The following ZHX3 variants were observed in gnomAD, a reference collection of about 807,000 sequenced individuals.
ZHX3 encodes zinc fingers and homeoboxes 3, also known as zinc fingers and homeoboxes protein 3.
A neutral mutation model predicts 64.5 loss-of-function variants in ZHX3; 20 were observed. The ratio of observed to expected loss-of-function variants is 0.31; its 90% CI spans 0.22 to 0.45. The LOEUF (loss-of-function observed/expected upper bound fraction) is 0.45, where lower values mean the gene tolerates loss of function less well. Among genes scored for constraint, ZHX3 ranks in the 20% least tolerant of loss-of-function variants. The pLI is 1.00. For synonymous variants in ZHX3, 423 were observed against 461.6 expected, an observed-to-expected ratio of 0.92 and a Z score of 1.07; for missense variants, 1,041 against 1,195.8, an observed-to-expected ratio of 0.87 and a Z score of 1.91.
Position 41,202,817 on chromosome 20 carries a change from T to C in ZHX3, c.2100A>G (p.Leu700=). The change falls in exon 3 of 4, where the codon CTA becomes CTG. Residue 700 remains leucine, a synonymous_variant. Transcript: ENST00000683867. The surrounding 1 kb of genome is among the most constrained non-coding windows in gnomAD (Gnocchi z 7.0). ...GAGAGCCATTTTCACCAGAGACCCT[T>C]AGCTCACTGGCCAAATCCTCTTCTC... is the stretch of plus-strand genomic sequence containing the variant. ...EGGEEDLASE[L]RVSGENGSLE... is the part of the protein sequence containing the mutation. 1 of 1,614,162 alleles carries C rather than the reference T, an allele frequency of 6.2e-7. No individual in the cohort carries two copies. The highest frequency in any genetic ancestry group is 8.5e-7 in the Non-Finnish European group (1 of 1,180,032).
chr20:41,253,127 T>C (rs1482860124), intron 2 of ZHX3, among the ~76,000 whole-genome samples: 1 of 152,072 alleles, frequency 6.6e-6, no homozygotes, highest in African/African-American at 2.4e-5. Flanking sequence ...ATGGTCAAAG[T>C]ACCAACAAGA....
chr20:41,231,292 G>A (rs1282718190), intron 2 of ZHX3, among the ~76,000 whole-genome samples: 1 of 152,066 alleles, frequency 6.6e-6, no homozygotes, highest in African/African-American at 2.4e-5. Context: ...TTCTCAGCTT[G>A]GCATGGGCAG....
At position 41,185,515 on chromosome 20, in the gene ZHX3, C is replaced by T. The variant is rs978560940; in HGVS notation, c.2861-314G>A. On this transcript the variant is annotated intron_variant, in intron 3 of 3. Coordinates refer to ENST00000683867, the MANE Select transcript of ZHX3 (RefSeq NM_001384317.1). The surrounding 1 kb of genome is among the most constrained non-coding windows in gnomAD (Gnocchi z 5.0). ...AAATCCCCCTAGCTCCCCAGGCTTC[C>T]GCCACCACCGTCTCTGGAGTCCTGT... 2.4e-5 allele frequency: 12 copies of T among 506,484 alleles called. No homozygotes were observed. Among genetic ancestry groups the T allele is most frequent in the Admixed American group, 1.8e-4 (5 of 27,180 alleles). 31.4% of individuals were successfully genotyped at this position (506,484 alleles called of 1,614,324 possible).
chr20:41,195,467 G>A lies in ZHX3; in HGVS notation c.2860+6590C>T, dbSNP rs2037410405. ...TTTCGCTCTTGTTGCCCAGGCTGGA[G>A]TGCAATGGTGCGGTCTCAGTTCACT... On this transcript the variant is annotated intron_variant, in intron 3 of 3. Transcript: ENST00000683867. The surrounding 1 kb of genome is among the most constrained non-coding windows in gnomAD (Gnocchi z 4.2). 6.6e-6 allele frequency among the ~76,000 whole-genome samples: 1 copy of A among 152,176 alleles called. No individual in the cohort carries two copies. Among genetic ancestry groups the A allele is most frequent in the Non-Finnish European group, 1.5e-5 (1 of 68,036 alleles).
intron 2 of ZHX3, among the ~76,000 whole-genome samples, chr20:41,238,161 G>C (rs138317834): frequency 1.3e-5 from 2 of 152,308 alleles, no homozygotes; most frequent in African/African-American, 4.8e-5. Context: ...GTTGCATGGG[G>C]AATGAACTTC....
chr20:41,216,383 G>A (rs931495205), intron 2 of ZHX3, among the ~76,000 whole-genome samples: 1 of 152,086 alleles, frequency 6.6e-6, no homozygotes, highest in African/African-American at 2.4e-5. Flanking sequence ...ATAAACCATT[G>A]TTAACAGTGC....
rs745690798 is a variant in ZHX3, at chr20:41,211,213, CATT to C, written c.-150-6150_-150-6148del. Reference sequence around the variant, plus strand: ...ATTACTAATATAGAATGATAATCATCATTATTACTTTTCGTTTTAGCAAATCAT... The same window carrying C: ...ATTACTAATATAGAATGATAATCATCATTACTTTTCGTTTTAGCAAATCAT... On this transcript the variant is annotated intron_variant, in intron 2 of 3. Coordinates refer to ENST00000683867, the MANE Select transcript of ZHX3 (RefSeq NM_001384317.1). Among the ~76,000 whole-genome samples the C allele has an allele frequency of 7.2e-5, 11 of 152,188 alleles. No individual in the cohort carries two copies. The South Asian group carries it at 2.1e-3, about 29-fold the overall frequency.
At chr20:41,290,448 T>C (rs1289481080) in intron 1 of ZHX3, 2 of 152,248 alleles carry the variant, frequency 1.3e-5, no homozygotes, top group African/African-American at 4.8e-5. Context: ...GGTCACCATA[T>C]TGATGCCAAA....
chr20:41,300,114 G>C (rs2044746893), intron 1 of ZHX3: 1 of 152,164 alleles, frequency 6.6e-6, no homozygotes, highest in Non-Finnish European at 1.5e-5. Context: ...CAGCACACAA[G>C]AATGTTAGTG....
chr20:41,244,647 G>A (rs767021600), intron 2 of ZHX3, among the ~76,000 whole-genome samples: 1 of 152,162 alleles, frequency 6.6e-6, no homozygotes, highest in Non-Finnish European at 1.5e-5. Flanking sequence ...CTAGACCCAC[G>A]CAGCTTGGAA....
rs1568775107 is a variant in ZHX3, at chr20:41,184,809, G to C, written c.*382C>G. The C allele has an allele frequency of 8.2e-6, 11 of 1,340,984 alleles. No individual in the cohort carries two copies. Among genetic ancestry groups the C allele is most frequent in the East Asian group, 7.6e-5 (3 of 39,636 alleles). 83.1% of individuals were successfully genotyped at this position (1,340,984 alleles called of 1,614,324 possible). A position where few individuals can be genotyped will look rare whatever the true frequency, so the allele number is the denominator to read the frequency against. On this transcript the variant is annotated 3_prime_UTR_variant, in exon 4 of 4. Transcript: ENST00000683867. The stretch of plus-strand genomic sequence containing the variant: ...ACAATGCACTGCTTGGCTAACCAAA[G>C]TTTCTACGTAATGACAGTGTTGATA...
Position 41,226,080 on chromosome 20 carries a change from C to G in ZHX3, c.-150-21014G>C, listed in dbSNP as rs2040248981. Among the ~76,000 whole-genome samples, 1 of 152,044 alleles carries G rather than the reference C, an allele frequency of 6.6e-6. No individual in the cohort carries two copies. The highest frequency in any genetic ancestry group is 1.5e-5 in the Non-Finnish European group (1 of 68,000). On this transcript the variant is annotated intron_variant, in intron 2 of 3. Transcript: ENST00000683867. The surrounding 1 kb of genome is among the most constrained non-coding windows in gnomAD (Gnocchi z 4.4). ...ATCCTACTACCACTACTAATACTAC[C>G]AGAAACCTAGCTAGCTAAAAAAAGT...
chr20:41,221,717 T>C (rs1568848693), intron 2 of ZHX3, among the ~76,000 whole-genome samples: 3 of 152,162 alleles, frequency 2.0e-5, no homozygotes, highest in African/African-American at 7.2e-5. Flanking sequence ...GAGAACTCAC[T>C]GAGAATGTGA....
At chr20:41,300,066 A>G (rs1048152408) in intron 1 of ZHX3, 1 of 152,188 alleles carries the variant, frequency 6.6e-6, no homozygotes, top group Non-Finnish European at 1.5e-5. Context: ...CTCATCTTTC[A>G]TTCAGTCTAT....
Position 41,201,408 on chromosome 20 carries a change from A to G in ZHX3, c.2860+649T>C. 1 of 1,293,248 alleles carries G rather than the reference A, an allele frequency of 7.7e-7. No homozygotes were observed. Among genetic ancestry groups the G allele is most frequent in the Non-Finnish European group, 1.0e-6 (1 of 978,886 alleles). The allele number at this position is 1,293,248 out of a possible 1,614,324, so 80.1% of individuals were successfully genotyped here. A position where few individuals can be genotyped will look rare whatever the true frequency, so the allele number is the denominator to read the frequency against. ...ACCTAGAAAATCAACACGTAATAAC[A>G]TGACTTGTCTGTGGCTTCAAAACTA... On this transcript the variant is annotated intron_variant, in intron 3 of 3. Transcript: ENST00000683867. The surrounding 1 kb of genome is among the most constrained non-coding windows in gnomAD (Gnocchi z 5.0).
At chr20:41,187,821 C>T (rs1221467250) in intron 3 of ZHX3, among the ~76,000 whole-genome samples, 1 of 152,088 alleles carries the variant, frequency 6.6e-6, no homozygotes, top group African/African-American at 2.4e-5. Flanking sequence ...TTATGGGGTA[C>T]ATGTGAATAT....
At chr20:41,188,408 C>CCCCCCT (rs2036714522) in intron 3 of ZHX3, 2 of 102,594 alleles carry the variant, frequency 1.9e-5, no homozygotes, top group Non-Finnish European at 3.9e-5. Context: ...CCACCCCCAC[C>CCCCCCT]TTTTTTTTTT....
At chr20:41,261,663 A>G (rs1475792701) in intron 2 of ZHX3, among the ~76,000 whole-genome samples, 1 of 152,234 alleles carries the variant, frequency 6.6e-6, no homozygotes, top group Non-Finnish European at 1.5e-5. Flanking sequence ...TACAGTGCTC[A>G]ATATGTTCAA....
chr20:41,211,739 A>G (rs1028940104), intron 2 of ZHX3, among the ~76,000 whole-genome samples: 1 of 152,218 alleles, frequency 6.6e-6, no homozygotes, highest in African/African-American at 2.4e-5. Flanking sequence ...AAGCATGCCA[A>G]TCTCATGGGT....
Sources: allele counts gnomAD v4.1 joint callset (sites outside exome capture counted in the v4.1 genomes callset), GRCh38; gene constraint gnomAD v4.1.1; non-coding constraint Gnocchi (gnomAD v3.1); transcripts MANE v1.5; gene names NCBI Gene and HGNC (gene_info 2026-07-23, HGNC 2026-07-21).